MTMR2: variants seen among roughly 807,000 people sequenced by gnomAD.
The protein encoded by MTMR2 is myotubularin related protein 2.
Under a neutral mutation model 86.9 loss-of-function variants are expected in MTMR2, and 55 were observed. The ratio of observed to expected loss-of-function variants is 0.63; its 90% CI spans 0.51 to 0.79. The LOEUF is 0.79. Among genes scored for constraint, MTMR2 ranks in the 30% least tolerant of loss-of-function variants. MTMR2 has a pLI of 0.00. For synonymous variants in MTMR2, 241 were observed against 266.8 expected (o/e 0.90, Z 0.94); for missense variants, 659 against 772.3 (o/e 0.85, Z 1.74).
chr11:95,888,283 T>C (rs377119326), intron 1 of MTMR2, 22 bp from the exon 2 acceptor site: 118 of 1,573,786 alleles, frequency 7.5e-5, no homozygotes, highest in Non-Finnish European at 9.3e-5. Flanking sequence ...AAAAGTACAG[T>C]ATGTTGGAAA....
intron 1 of MTMR2, chr11:95,907,794 C>T: frequency 2.7e-6 from 1 of 366,072 alleles, no homozygotes; most frequent in South Asian, 2.2e-5. Context: ...GCAGAAAAGG[C>T]TTTTGATAAA....
At chr11:95,844,056 A>G (rs1863665098) in intron 11 of MTMR2, among the ~76,000 whole-genome samples, 1 of 152,160 alleles carries the variant, frequency 6.6e-6, no homozygotes, top group African/African-American at 2.4e-5. Context: ...TAACTAGGTA[A>G]AAAGAACGGG....
chr11:95,852,196 C>G (rs979750163), intron 7 of MTMR2, among the ~76,000 whole-genome samples: 3 of 152,186 alleles, frequency 2.0e-5, no homozygotes, highest in Non-Finnish European at 4.4e-5. Context: ...TTTTACTGTA[C>G]TCAGGTTTCA....
In MTMR2 at chr11:95,917,722, TTTACTACCCA is replaced by T. The variant is rs1866761068; in HGVS notation, c.80+6143_80+6152del. On this transcript the variant is annotated intron_variant, in intron 1 of 14. Transcript: ENST00000346299. ...ACAATCACAAAGAAAAGAAAATACA[TTTACTACCCA>T]TTAAGTGGAAGTGGGTCATCATAAA... is the stretch of plus-strand genomic sequence containing the variant. Among the ~76,000 whole-genome samples the T allele has an allele frequency of 2.0e-5, 3 of 152,110 alleles. No homozygotes were observed. In the South Asian group the frequency reaches 6.2e-4, roughly 32 times the overall value.
intron 2 of MTMR2, among the ~76,000 whole-genome samples, chr11:95,876,918 G>T (rs1275575241): frequency 2.6e-5 from 4 of 151,996 alleles, no homozygotes; most frequent in Non-Finnish European, 5.9e-5. Context: ...CGATCTAGAA[G>T]TTGGCAAGTT....
At chr11:95,918,715 T>G (rs1158385600) in intron 1 of MTMR2, among the ~76,000 whole-genome samples, 1 of 152,236 alleles carries the variant, frequency 6.6e-6, no homozygotes, top group Non-Finnish European at 1.5e-5. Flanking sequence ...CTACCTCTAA[T>G]CTTGCCAGCT....
chr11:95,872,177 T>TGG (rs1277375929), intron 2 of MTMR2, among the ~76,000 whole-genome samples: 1 of 152,252 alleles, frequency 6.6e-6, no homozygotes, highest in Non-Finnish European at 1.5e-5. Context: ...GGCAGCTTGA[T>TGG]GGGGATGGCA....
intron 2 of MTMR2, chr11:95,882,527 A>T (rs1448671447): frequency 1.3e-5 from 2 of 151,634 alleles, no homozygotes; most frequent in Admixed American, 6.6e-5. Context: ...ATAAAATAAA[A>T]TAAAATAATT....
At chr11:95,837,598 T>C (rs999685756) in intron 13 of MTMR2, among the ~76,000 whole-genome samples, 3 of 152,056 alleles carry the variant, frequency 2.0e-5, no homozygotes, top group Admixed American at 6.6e-5. Flanking sequence ...CGAAAAACTT[T>C]AACTTTCTAC....
At chr11:95,923,414 T>C (rs541690584) in intron 1 of MTMR2, among the ~76,000 whole-genome samples, 144 of 151,272 alleles carry the variant, frequency 9.5e-4, no homozygotes, top group African/African-American at 3.4e-3. Context: ...GGTGAAGCCA[T>C]GAAAAGAGAG....
intron 1 of MTMR2, among the ~76,000 whole-genome samples, chr11:95,888,650 C>G (rs528575891): frequency 6.6e-6 from 1 of 152,142 alleles, no homozygotes; most frequent in East Asian, 1.9e-4. Context: ...GCTCACAAGC[C>G]TGTGACACAG....
chr11:95,907,878 C>T (rs1230800742), intron 1 of MTMR2: 1 of 445,100 alleles, frequency 2.2e-6, no homozygotes, highest in East Asian at 7.2e-5. Context: ...ATAGTGAGAG[C>T]TACAGCCAAC....
intron 6 of MTMR2, among the ~76,000 whole-genome samples, chr11:95,858,251 A>T (rs1459063188): frequency 6.6e-6 from 1 of 152,152 alleles, no homozygotes; most frequent in Non-Finnish European, 1.5e-5. Flanking sequence ...CCTAATGAAG[A>T]CAACAGGTAA....
chr11:95,907,558 G>C (rs562147304), intron 1 of MTMR2, among the ~76,000 whole-genome samples: 3 of 151,912 alleles, frequency 2.0e-5, no homozygotes, highest in African/African-American at 4.8e-5. Flanking sequence ...GACAGACAAC[G>C]AAAAAAGAAA....
chr11:95,852,326 T>C (rs1158588957), intron 7 of MTMR2, among the ~76,000 whole-genome samples: 1 of 152,224 alleles, frequency 6.6e-6, no homozygotes, highest in Non-Finnish European at 1.5e-5. Flanking sequence ...TATATAAAAG[T>C]ACATTATTCC....
chr11:95,898,130 T>A (rs778098839), intron 1 of MTMR2, among the ~76,000 whole-genome samples: 1 of 152,122 alleles, frequency 6.6e-6, no homozygotes, highest in East Asian at 1.9e-4. Context: ...TCCATTCTTA[T>A]GTGTCTATCA....
chr11:95,873,926 GAGTTCT>G (rs1864994527), intron 2 of MTMR2, among the ~76,000 whole-genome samples: 1 of 152,172 alleles, frequency 6.6e-6, no homozygotes. Flanking sequence ...TCTTAATCCT[GAGTTCT>G]AGTTTGATTG....
chr11:95,877,057 CCA>C (rs1865140382), intron 2 of MTMR2, among the ~76,000 whole-genome samples: 1 of 152,202 alleles, frequency 6.6e-6, no homozygotes, highest in Non-Finnish European at 1.5e-5. Context: ...AAACTATCCT[CCA>C]CAGTCTTTTT....
intron 1 of MTMR2, among the ~76,000 whole-genome samples, chr11:95,907,334 G>A (rs185853782): frequency 9.2e-5 from 14 of 152,086 alleles, no homozygotes; most frequent in Admixed American, 3.9e-4. Context: ...AAAACCTGAA[G>A]AGACTAATTC....
Sources: allele counts gnomAD v4.1 joint callset (sites outside exome capture counted in the v4.1 genomes callset), GRCh38; gene constraint gnomAD v4.1.1; transcripts MANE v1.5; gene names NCBI Gene and HGNC (gene_info 2026-07-23, HGNC 2026-07-21).